Variants in MTMR12 observed in about 807,000 individuals in gnomAD.
The protein encoded by MTMR12 is myotubularin-related protein 12.
A neutral mutation model predicts 96.7 loss-of-function variants in MTMR12; 33 were observed. The ratio of observed to expected loss-of-function variants is 0.34; its 90% CI spans 0.26 to 0.46. The LOEUF (loss-of-function observed/expected upper bound fraction) is 0.46, where lower values mean the gene tolerates loss of function less well. MTMR12 is among the 20% of genes least tolerant of loss of function. MTMR12 has a pLI of 1.00. For missense variants in MTMR12, 721 were observed against 896.1 expected, an observed-to-expected ratio of 0.80 and a Z score of 2.49; for synonymous variants, 298 against 327.2, an observed-to-expected ratio of 0.91 and a Z score of 0.96.
chr5:32,301,070 T>C (rs1303875930), intron 1 of MTMR12, among the ~76,000 whole-genome samples: 1 of 151,886 alleles, frequency 6.6e-6, no homozygotes, highest in Non-Finnish European at 1.5e-5. Flanking sequence ...CAAGACTCCA[T>C]CTCAAAAAAA....
intron 3 of MTMR12, among the ~76,000 whole-genome samples, chr5:32,272,362 G>A (rs1318089088): frequency 6.6e-6 from 1 of 152,114 alleles, no homozygotes; most frequent in Non-Finnish European, 1.5e-5. Flanking sequence ...GGACGATGAA[G>A]TATGTGAGAA....
At chr5:32,245,841 C>A (rs1054002978) in intron 10 of MTMR12, among the ~76,000 whole-genome samples, 2 of 151,846 alleles carry the variant, frequency 1.3e-5, no homozygotes, top group African/African-American at 4.8e-5. Context: ...AAAAAAAAAA[C>A]CTCTCATAAG....
Position 32,233,455 on chromosome 5 carries a change from AAC to A in MTMR12, c.1674+316_1674+317del, listed in dbSNP as rs71598927. Among the ~76,000 whole-genome samples, 17 of 147,914 alleles carry A rather than the reference AAC, an allele frequency of 1.1e-4. 1 individual carries two copies. Among genetic ancestry groups the A allele is most frequent in the South Asian group, 8.4e-4 (4 of 4,736 alleles). ...CAATCAATGTTCCTTTTACTCTACT[AAC>A]ACACACACACACACAAACACACACA... is the stretch of plus-strand genomic sequence containing the variant. On this transcript the variant is annotated intron_variant, in intron 15 of 15. Coordinates refer to ENST00000382142, the MANE Select transcript of MTMR12 (RefSeq NM_001040446.3). The surrounding 1 kb of genome is among the most constrained non-coding windows in gnomAD (Gnocchi z 5.0).
At chr5:32,247,813 G>T (rs1748758901) in intron 10 of MTMR12, 189 bp downstream of exon 10, 1 of 984,380 alleles carries the variant, frequency 1.0e-6, no homozygotes, top group Non-Finnish European at 1.2e-6. Flanking sequence ...GGCGGGGAGG[G>T]AAAGCCTGGA....
At chr5:32,280,372 A>G (rs895928009) in intron 1 of MTMR12, among the ~76,000 whole-genome samples, 1 of 152,224 alleles carries the variant, frequency 6.6e-6, no homozygotes, top group African/African-American at 2.4e-5. Context: ...GTTCCAAAAC[A>G]ATTTCTTTCC....
chr5:32,279,386 T>C lies in MTMR12; in HGVS notation c.82-2644A>G, dbSNP rs530683335. Among the ~76,000 whole-genome samples the C allele has an allele frequency of 1.2e-4, 19 of 152,148 alleles. No homozygotes were observed. The East Asian group carries it at 3.7e-3, about 29-fold the overall frequency. On this transcript the variant is annotated intron_variant, in intron 1 of 15. Transcript: ENST00000382142. ...AGTGAGCCATGACTGCACCACTGCA[T>C]TCCAGCCTGAGAAACAGAGCAAAAC...
chr5:32,240,272 G>A (rs562294228), intron 12 of MTMR12, among the ~76,000 whole-genome samples: 158 of 152,084 alleles, frequency 1.0e-3, no homozygotes, highest in Middle Eastern at 6.8e-3. Flanking sequence ...GGTGGTGCAC[G>A]CCTGTAATCC....
rs757642747 is a variant in MTMR12, at chr5:32,277,696, CA to C, written c.82-955del. Among the ~76,000 whole-genome samples the C allele has an allele frequency of 1.4e-4, 19 of 134,292 alleles. No individual in the cohort carries two copies. In the East Asian group the frequency reaches 1.6e-3, roughly 12 times the overall value. The allele number at this position is 134,292 out of a possible 152,430, so 88.1% of individuals were successfully genotyped here. A position where few individuals can be genotyped will look rare whatever the true frequency, so the allele number is the denominator to read the frequency against. On this transcript the variant is annotated intron_variant, in intron 1 of 15. Coordinates refer to ENST00000382142, the MANE Select transcript of MTMR12 (RefSeq NM_001040446.3). Reference sequence around the variant, plus strand: ...CCTGGGTAACAGTGGGACTCTGTCTCAAAAAAAAAAGAAAAAGAAAGAAAGA... The same window carrying C: ...CCTGGGTAACAGTGGGACTCTGTCTCAAAAAAAAAGAAAAAGAAAGAAAGA...
At chr5:32,302,731 A>G in intron 1 of MTMR12, among the ~76,000 whole-genome samples, 1 of 152,008 alleles carries the variant, frequency 6.6e-6, no homozygotes, top group Non-Finnish European at 1.5e-5. Context: ...ATAAAAAAAA[A>G]AAAAAAATTA....
chr5:32,298,719 C>T (rs963918328), intron 1 of MTMR12, among the ~76,000 whole-genome samples: 10 of 151,690 alleles, frequency 6.6e-5, no homozygotes, highest in African/African-American at 1.9e-4. Flanking sequence ...GAGGCAGAGG[C>T]GGGCGGATCA....
intron 1 of MTMR12, among the ~76,000 whole-genome samples, chr5:32,308,167 C>T (rs1160903149): frequency 6.6e-6 from 1 of 152,094 alleles, no homozygotes; most frequent in African/African-American, 2.4e-5. Context: ...ACTAAAAATA[C>T]AAACATTAGC....
rs182381452 is a variant in MTMR12 at position 32,261,050 on chromosome 5, T to C, written c.713+2063A>G. Among the ~76,000 whole-genome samples, 296 of 151,396 alleles carry C rather than the reference T, an allele frequency of 2.0e-3. 4 individuals carry two copies. The highest frequency in any genetic ancestry group is 2.9e-3 in the Non-Finnish European group (196 of 67,828). On this transcript the variant is annotated intron_variant, in intron 7 of 15. Coordinates refer to ENST00000382142, the MANE Select transcript of MTMR12 (RefSeq NM_001040446.3). ...GAGTTCAAGACCAGCCTGGCCAACA[T>C]TGTGAAACCCCATCTCTACTAAAAA...
chr5:32,247,859 G>A, intron 10 of MTMR12, 143 bp downstream of exon 10: 1 of 1,370,462 alleles, frequency 7.3e-7, no homozygotes, highest in Non-Finnish European at 9.5e-7. Flanking sequence ...ATGGCAGCCA[G>A]ACCCCTGGCT....
At chr5:32,248,735 G>A in intron 9 of MTMR12, 37 bp downstream of exon 9, 1 of 1,528,966 alleles carries the variant, frequency 6.5e-7, no homozygotes, top group Non-Finnish European at 9.1e-7. Context: ...TGGAAAACAA[G>A]AACTGAACAA....
At chr5:32,237,380 C>T (rs973872081) in intron 13 of MTMR12, among the ~76,000 whole-genome samples, 99 of 152,332 alleles carry the variant, frequency 6.5e-4, no homozygotes, top group African/African-American at 2.3e-3. Flanking sequence ...TGCTAACTCT[C>T]CTGTGCCTGA....
chr5:32,289,182 A>G (rs1459205351), intron 1 of MTMR12, among the ~76,000 whole-genome samples: 1 of 152,258 alleles, frequency 6.6e-6, no homozygotes, highest in Non-Finnish European at 1.5e-5. Context: ...TGACTCACGT[A>G]GAGCTCTGGC....
chr5:32,251,385 A>G (rs1748918498), intron 8 of MTMR12, among the ~76,000 whole-genome samples: 1 of 152,202 alleles, frequency 6.6e-6, no homozygotes, highest in South Asian at 2.1e-4. Context: ...CATAAGCAGG[A>G]AAGGACCATG....
intron 1 of MTMR12, among the ~76,000 whole-genome samples, chr5:32,286,617 C>A (rs1321597427): frequency 6.6e-6 from 1 of 152,076 alleles, no homozygotes; most frequent in Non-Finnish European, 1.5e-5. Flanking sequence ...CAGAAGGCTA[C>A]AAAAGATTCT....
chr5:32,289,687 C>T (rs1030755553), intron 1 of MTMR12, among the ~76,000 whole-genome samples: 2 of 152,148 alleles, frequency 1.3e-5, no homozygotes, highest in African/African-American at 4.8e-5. Flanking sequence ...AGTGGGCCCC[C>T]AGACTCATCC....
Sources: gnomAD v4.1 joint callset for allele counts (sites outside exome capture counted in the v4.1 genomes callset) on GRCh38, gnomAD v4.1.1 for gene constraint, Gnocchi (gnomAD v3.1) non-coding constraint, MANE v1.5 for transcripts, NCBI Gene and HGNC (gene_info 2026-07-23, HGNC 2026-07-21) for gene names.